PTPN3: variants seen among roughly 807,000 people sequenced by gnomAD.
The protein encoded by PTPN3 is protein tyrosine phosphatase non-receptor type 3.
Under a neutral mutation model 132.7 loss-of-function variants are expected in PTPN3, and 96 were observed. The observed-to-expected ratio is 0.72, with a 90% CI of 0.61 to 0.86. The LOEUF (loss-of-function observed/expected upper bound fraction) is 0.86, where lower values mean the gene tolerates loss of function less well. Ranked by LOEUF, PTPN3 falls within the 40% of genes least tolerant of loss-of-function variation. The pLI is 0.00. For missense variants in PTPN3, 1,125 were observed against 1,159.6 expected, an observed-to-expected ratio of 0.97 and a Z score of 0.43; for synonymous variants, 398 against 429.0, an observed-to-expected ratio of 0.93 and a Z score of 0.89.
chr9:109,486,215 A>C (rs1847198217), intron 1 of PTPN3, among the ~76,000 whole-genome samples: 1 of 152,202 alleles, frequency 6.6e-6, no homozygotes, highest in Admixed American at 6.5e-5. Flanking sequence ...GCATTTTAAC[A>C]TGAAAACTTG....
chr9:109,494,549 T>C (rs1207006387), intron 1 of PTPN3, among the ~76,000 whole-genome samples: 76 of 152,152 alleles, frequency 5.0e-4, no homozygotes, highest in Non-Finnish European at 2.9e-5. Context: ...TGCCATCTTG[T>C]TCCTAAGTTT....
chr9:109,450,164 TTG>T (rs1267837987), intron 5 of PTPN3: 40 of 984,794 alleles, frequency 4.1e-5, no homozygotes, highest in Non-Finnish European at 4.6e-5. Flanking sequence ...TATTATTACT[TTG>T]ATTATAATTA....
intron 14 of PTPN3, chr9:109,417,480 T>C (rs191568395): frequency 4.3e-6 from 3 of 694,544 alleles, no homozygotes; most frequent in Admixed American, 6.3e-5. Flanking sequence ...GTATAAAACA[T>C]GTCAAATATT....
At chr9:109,441,747 CT>C (rs35795166) in intron 7 of PTPN3, among the ~76,000 whole-genome samples, 57,302 of 148,426 alleles carry the variant, frequency 0.39, 11,389 homozygotes, top group African/African-American at 0.5. Flanking sequence ...CTGAAGATCA[CT>C]TTTTTTTTTT....
chr9:109,499,970 C>T (rs868744729), upstream of PTPN3, among the ~76,000 whole-genome samples: 2 of 152,190 alleles, frequency 1.3e-5, no homozygotes, highest in African/African-American at 2.4e-5. Context: ...GGGGCCGGAG[C>T]CCCCGGAAGG....
Position 109,454,480 on chromosome 9 carries a change from A to C in PTPN3, c.368+16T>G, listed in dbSNP as rs370000236. 1.9e-6 allele frequency: 3 copies of C among 1,602,016 alleles called. No homozygotes were observed. In the South Asian group the frequency reaches 3.3e-5, roughly 18 times the overall value. ...TTTTATACACTAAACAGAAAACTTT[A>C]AAAAAATGTTGTTACCTGGTTTGTT... On this transcript the variant is annotated intron_variant, in intron 5 of 25. Coordinates refer to ENST00000374541, the MANE Select transcript of PTPN3 (RefSeq NM_002829.4).
chr9:109,449,021 GC>G (rs1404668151), intron 5 of PTPN3, 166 bp from the exon 6 acceptor site: 1 of 1,424,570 alleles, frequency 7.0e-7, no homozygotes, highest in East Asian at 2.6e-5. Context: ...CTGCAAAGCT[GC>G]CCTGTCATTA....
At chr9:109,536,620 G>A in the PTPN3 span, among the ~76,000 whole-genome samples, 1 of 152,178 alleles carries the variant, frequency 6.6e-6, no homozygotes, top group Non-Finnish European at 1.5e-5. Flanking sequence ...GGGATTGGAT[G>A]GGTTACACAC....
chr9:109,487,517 G>A (rs557646988), intron 1 of PTPN3, among the ~76,000 whole-genome samples: 4 of 152,338 alleles, frequency 2.6e-5, no homozygotes, highest in South Asian at 4.1e-4. Context: ...AGAATCACAC[G>A]CTCTGGGGGT....
intron 1 of PTPN3, among the ~76,000 whole-genome samples, chr9:109,483,874 T>C (rs140145685): frequency 9.9e-5 from 15 of 152,272 alleles, no homozygotes; most frequent in Non-Finnish European, 1.5e-4. Flanking sequence ...TTAATCATGT[T>C]CTGGATGAAT....
intron 20 of PTPN3, 31 bp downstream of exon 20, chr9:109,391,440 G>T: frequency 6.4e-7 from 1 of 1,568,966 alleles, no homozygotes. Context: ...TCAGTGTAGG[G>T]GGGAAGGAGG....
chr9:109,431,357 C>T (rs1843653380), intron 10 of PTPN3, among the ~76,000 whole-genome samples: 1 of 152,244 alleles, frequency 6.6e-6, no homozygotes, highest in African/African-American at 2.4e-5. Context: ...CACAGTTAGG[C>T]TGGACCCAAG....
chr9:109,534,651 AAAT>A, the PTPN3 span, among the ~76,000 whole-genome samples: 4 of 144,630 alleles, frequency 2.8e-5, no homozygotes, highest in Admixed American at 6.9e-5. Flanking sequence ...AAAAAAAAAA[AAAT>A]ACCTGGGCGT....
In PTPN3 at chr9:109,419,671, A is replaced by T. The variant is rs546399365; in HGVS notation, c.1313+753T>A. On this transcript the variant is annotated intron_variant, in intron 14 of 25. Coordinates refer to ENST00000374541, the MANE Select transcript of PTPN3 (RefSeq NM_002829.4). ...GCAAATGAGGAAGAGAAGGTCCTAT[A>T]CAAGAAATCTGGGCTGAGGGAAGTG... Among the ~76,000 whole-genome samples the T allele has an allele frequency of 4.3e-3, 661 of 152,378 alleles. 7 individuals are homozygous for T. Among genetic ancestry groups the T allele is most frequent in the African/African-American group, 0.015 (643 of 41,590 alleles).
intron 5 of PTPN3, chr9:109,451,424 A>G: frequency 3.2e-6 from 3 of 936,468 alleles, no homozygotes; most frequent in Non-Finnish European, 3.8e-6. Flanking sequence ...GTTGTCAACC[A>G]GTGAATTTTA....
chr9:109,391,533 G>T lies in PTPN3; in HGVS notation c.1982C>A (p.Ala661Asp). ...EQLYRKKPGL[A>D]ITFAKLPQNL... ...TTGAGGCAGCTTTGCAAACGTGATG[G>T]CCAAACCTGGCTTTTTTCTGTAGAG... is the stretch of plus-strand genomic sequence containing the variant. The change falls in exon 20 of 26, where the codon GCC becomes GAC. Residue 661 changes from alanine to aspartate, a missense_variant. Ala to Asp is a moderately radical substitution (Grantham distance 126). Transcript: ENST00000374541. The T allele has an allele frequency of 6.2e-7, 1 of 1,613,936 alleles. No homozygotes were observed. Among genetic ancestry groups the T allele is most frequent in the Non-Finnish European group, 8.5e-7 (1 of 1,179,916 alleles).
the PTPN3 span, among the ~76,000 whole-genome samples, chr9:109,512,826 C>T: frequency 6.6e-6 from 1 of 152,212 alleles, no homozygotes; most frequent in African/African-American, 2.4e-5. Flanking sequence ...TATTCCTGCA[C>T]ATGGTGTTTA....
the PTPN3 span, among the ~76,000 whole-genome samples, chr9:109,508,453 C>A: frequency 1.3e-5 from 2 of 152,180 alleles, no homozygotes; most frequent in South Asian, 4.1e-4. Context: ...AGCCACCGCG[C>A]CTGGCCTGTT....
intron 1 of PTPN3, among the ~76,000 whole-genome samples, chr9:109,473,523 G>A (rs1319184450): frequency 6.6e-6 from 1 of 152,158 alleles, no homozygotes; most frequent in Non-Finnish European, 1.5e-5. Flanking sequence ...GCTCCCTGAA[G>A]GGCAAGATAA....
Sources: gnomAD v4.1 joint callset for allele counts (sites outside exome capture counted in the v4.1 genomes callset) on GRCh38, gnomAD v4.1.1 for gene constraint, MANE v1.5 for transcripts, NCBI Gene and HGNC (gene_info 2026-07-23, HGNC 2026-07-21) for gene names.